The following LRIG1 variants were observed in gnomAD, a reference collection of about 807,000 sequenced individuals.
The protein encoded by LRIG1 is leucine rich repeats and immunoglobulin like domains 1, also known as leucine-rich repeats and immunoglobulin-like domains protein 1.
LRIG1 carries 48 observed loss-of-function variants against 99.2 expected under a neutral mutation model. That is an observed-to-expected ratio of 0.48 (90% CI 0.38 to 0.62). The LOEUF is 0.62. LRIG1 is among the 20% of genes least tolerant of loss of function. LRIG1 has a pLI of 0.00. For missense variants in LRIG1, 1,646 were observed against 1,434.4 expected, an observed-to-expected ratio of 1.15 and a Z score of -2.38; for synonymous variants, 772 against 596.1, an observed-to-expected ratio of 1.29 and a Z score of -4.30.
chr3:66,410,711 G>A (rs1010714160), intron 6 of LRIG1, among the ~76,000 whole-genome samples: 10 of 152,174 alleles, frequency 6.6e-5, no homozygotes, highest in African/African-American at 1.4e-4. Context: ...GCCAACAAAC[G>A]GGCACAGGAG....
At chr3:66,477,735 T>A (rs117535497) in intron 1 of LRIG1, among the ~76,000 whole-genome samples, 2 of 152,232 alleles carry the variant, frequency 1.3e-5, no homozygotes, top group East Asian at 3.9e-4. Context: ...GATGTTATCA[T>A]CAGAGCCAGA....
intron 1 of LRIG1, among the ~76,000 whole-genome samples, chr3:66,467,957 C>G (rs973862494): frequency 4.6e-5 from 7 of 152,142 alleles, no homozygotes. Flanking sequence ...AACACAAGTC[C>G]TTTGAGCACA....
intron 5 of LRIG1, among the ~76,000 whole-genome samples, chr3:66,414,379 G>C (rs1165903264): frequency 1.3e-5 from 2 of 151,792 alleles, no homozygotes; most frequent in African/African-American, 4.8e-5. Context: ...CTGGGGGACA[G>C]AGCGAGACTG....
At chr3:66,450,463 GCA>G (rs1054100939) in intron 3 of LRIG1, among the ~76,000 whole-genome samples, 3 of 152,102 alleles carry the variant, frequency 2.0e-5, no homozygotes, top group African/African-American at 7.2e-5. Context: ...TCTGTCCAGG[GCA>G]CAGAGTGAAG....
intron 6 of LRIG1, 88 bp downstream of exon 6, chr3:66,412,783 G>A (rs1286803707): frequency 2.0e-5 from 30 of 1,476,592 alleles, no homozygotes; most frequent in African/African-American, 1.8e-4. Flanking sequence ...GTGTTGGTGC[G>A]CACATGCATG....
chr3:66,500,375 G>A lies in LRIG1; in HGVS notation c.33C>T (p.Ala11=), dbSNP rs751172739. Reference sequence around the variant, plus strand: ...GGAGAAGGCAAGGCGAGCGGCGCGGGGCCCCGAGCCCTCCCCGGACCGGCC... The same window carrying A: ...GGAGAAGGCAAGGCGAGCGGCGCGGAGCCCCGAGCCCTCCCCGGACCGGCC... The part of the protein sequence containing the change: MARPVRGGLG[A]PRRSPCLLLL... Residue 11 remains alanine (A), a synonymous_variant, in exon 1 of 19, where the codon GCC becomes GCT. Transcript: ENST00000273261. 1.5e-5 allele frequency: 22 copies of A among 1,474,130 alleles called. No homozygotes were observed. The highest frequency in any genetic ancestry group is 1.7e-5 in the Non-Finnish European group (19 of 1,118,730). The allele number at this position is 1,474,130 out of a possible 1,614,324, so 91.3% of individuals were successfully genotyped here. A position where few individuals can be genotyped will look rare whatever the true frequency, so the allele number is the denominator to read the frequency against.
At chr3:66,389,341 G>A (rs1161297697) in intron 12 of LRIG1, among the ~76,000 whole-genome samples, 3 of 152,008 alleles carry the variant, frequency 2.0e-5, no homozygotes, top group Non-Finnish European at 4.4e-5. Context: ...ACACATAGAA[G>A]AAATAAGGGG....
intron 12 of LRIG1, among the ~76,000 whole-genome samples, chr3:66,389,891 T>C (rs1701549345): frequency 6.6e-6 from 1 of 152,174 alleles, no homozygotes; most frequent in African/African-American, 2.4e-5. Context: ...TGAGTGATGA[T>C]ACCAGCCATT....
In LRIG1 at chr3:66,394,050, ACT is replaced by A. The variant is rs1701732390; in HGVS notation, c.1456_1457del (p.Ser486PhefsTer5). ...CAAAGACAGTCTTACCGCACACGAA[ACT>A]CTCTGGTGGCACAGAGAAAATGCTC... is the stretch of plus-strand genomic sequence containing the variant. The part of the protein sequence containing the change: ...GQSIFSVPPE[S>X]FVCDDFLKPQ... On this transcript the variant is annotated frameshift_variant, in exon 12 of 19. Coordinates refer to ENST00000273261, the MANE Select transcript of LRIG1 (RefSeq NM_015541.3). LOFTEE classifies it high-confidence loss of function. 1 of 1,613,622 alleles carries A rather than the reference ACT, an allele frequency of 6.2e-7. No homozygotes were observed. The highest frequency in any genetic ancestry group is 1.3e-5 in the African/African-American group (1 of 74,806).
intron 1 of LRIG1, 49 bp downstream of exon 1, chr3:66,500,141 A>G: frequency 2.1e-6 from 3 of 1,421,764 alleles, no homozygotes; most frequent in Non-Finnish European, 2.8e-6. Context: ...CTCCATCCCC[A>G]AGTGACAGAG....
intron 9 of LRIG1, chr3:66,401,608 C>T: frequency 1.3e-6 from 2 of 1,522,250 alleles, no homozygotes; most frequent in Non-Finnish European, 1.8e-6. Context: ...AGGGTCCTTA[C>T]CTTCCCCCAG....
In LRIG1 at chr3:66,407,509, A is replaced by G; in HGVS notation, c.936-18T>C. On this transcript the variant is annotated intron_variant, in intron 7 of 18. Transcript: ENST00000273261. ...ACAGGACCCTGAGGAAAGGGAGGGC[A>G]GCAATGTCACCATCTAGTGTGGTTG... is the stretch of plus-strand genomic sequence containing the variant. 6.2e-7 allele frequency: 1 copy of G among 1,613,292 alleles called. No homozygotes were observed. The highest frequency in any genetic ancestry group is 1.1e-5 in the South Asian group (1 of 91,064).
At chr3:66,417,495 T>G in intron 3 of LRIG1, 2 of 513,986 alleles carry the variant, frequency 3.9e-6, no homozygotes, top group Non-Finnish European at 3.5e-6. Flanking sequence ...ATCCCTAGGC[T>G]TCCCTCTCCA....
chr3:66,430,196 A>C (rs985463432), intron 3 of LRIG1, among the ~76,000 whole-genome samples: 88 of 152,174 alleles, frequency 5.8e-4, no homozygotes, highest in African/African-American at 1.8e-3. Flanking sequence ...ACAACAAAAA[A>C]AAAACACTGA....
At chr3:66,442,869 C>T (rs1334384487) in intron 3 of LRIG1, among the ~76,000 whole-genome samples, 1 of 152,286 alleles carries the variant, frequency 6.6e-6, no homozygotes, top group East Asian at 1.9e-4. Flanking sequence ...CCTTCCTCGG[C>T]TCCCCCAACC....
chr3:66,393,900 A>T (rs2107967748), intron 12 of LRIG1, 140 bp downstream of exon 12: 1 of 865,428 alleles, frequency 1.2e-6, no homozygotes, highest in South Asian at 1.7e-5. Flanking sequence ...TTCAGCAAGA[A>T]ATAAATTGCA....
intron 1 of LRIG1, among the ~76,000 whole-genome samples, chr3:66,472,553 C>A (rs577498924): frequency 2.0e-4 from 30 of 152,184 alleles, no homozygotes; most frequent in African/African-American, 7.2e-4. Context: ...TGAGATGAAC[C>A]CTGCTATCAA....
chr3:66,388,396 T>C (rs996030400), intron 12 of LRIG1, among the ~76,000 whole-genome samples: 5 of 150,872 alleles, frequency 3.3e-5, no homozygotes, highest in Non-Finnish European at 7.4e-5. Flanking sequence ...CACAACAACA[T>C]ACAAATCATG....
chr3:66,384,962 G>A (rs770091423), intron 13 of LRIG1, among the ~76,000 whole-genome samples: 11 of 152,206 alleles, frequency 7.2e-5, no homozygotes, highest in Non-Finnish European at 1.5e-4. Context: ...AATAAGCCAA[G>A]ACAACCCCAC....
Sources: gnomAD v4.1 joint callset for allele counts (sites outside exome capture counted in the v4.1 genomes callset) on GRCh38, gnomAD v4.1.1 for gene constraint, MANE v1.5 for transcripts, NCBI Gene and HGNC (gene_info 2026-07-23, HGNC 2026-07-21) for gene names.